The following WDR7 variants were observed in gnomAD, a reference collection of about 807,000 sequenced individuals.
WDR7 encodes WD repeat domain 7.
WDR7 carries 46 observed loss-of-function variants against 169.4 expected under a neutral mutation model. The observed-to-expected ratio is 0.27, with a 90% CI of 0.21 to 0.35. WDR7 has a LOEUF of 0.35. WDR7 is among the 10% of genes least tolerant of loss of function. The pLI, the probability that WDR7 is intolerant of heterozygous loss-of-function variation, is 1.00. For synonymous variants in WDR7, 612 were observed against 666.8 expected (o/e 0.92, Z 1.27); for missense variants, 1,534 against 1,859.3 (o/e 0.83, Z 3.22).
At chr18:56,680,422 A>T (rs1361965605) in intron 3 of WDR7, among the ~76,000 whole-genome samples, 1 of 152,220 alleles carries the variant, frequency 6.6e-6, no homozygotes, top group Non-Finnish European at 1.5e-5. Flanking sequence ...ATTCACTGGA[A>T]CAAAAAGAAG....
intron 1 of WDR7, among the ~76,000 whole-genome samples, chr18:56,659,520 G>A (rs915166192): frequency 6.6e-6 from 1 of 152,136 alleles, no homozygotes; most frequent in Non-Finnish European, 1.5e-5. Flanking sequence ...AAAACATATG[G>A]TATGTTAAAT....
chr18:56,755,620 C>A (rs997461189), intron 14 of WDR7, among the ~76,000 whole-genome samples: 4 of 152,152 alleles, frequency 2.6e-5, no homozygotes, highest in African/African-American at 9.7e-5. Flanking sequence ...TGTGGGATAT[C>A]CCAATACAAG....
chr18:56,697,189 T>G (rs1400310410), intron 12 of WDR7, among the ~76,000 whole-genome samples: 1 of 152,232 alleles, frequency 6.6e-6, no homozygotes, highest in Non-Finnish European at 1.5e-5. Flanking sequence ...CGTCTTCTTG[T>G]AGACAAGTCA....
chr18:56,980,838 C>A (rs1334138766), intron 26 of WDR7, among the ~76,000 whole-genome samples: 1 of 152,168 alleles, frequency 6.6e-6, no homozygotes, highest in Admixed American at 6.5e-5. Context: ...GGGAACCTGA[C>A]ACAAGACAGA....
intron 14 of WDR7, among the ~76,000 whole-genome samples, chr18:56,735,770 T>C (rs2026685751): frequency 6.6e-6 from 1 of 152,170 alleles, no homozygotes; most frequent in Non-Finnish European, 1.5e-5. Flanking sequence ...TGCTTTATAG[T>C]GTGAAAGCAG....
chr18:56,716,997 G>C (rs541220751), intron 12 of WDR7, among the ~76,000 whole-genome samples: 3 of 152,292 alleles, frequency 2.0e-5, no homozygotes, highest in South Asian at 2.1e-4. Flanking sequence ...ACCCCCAGCA[G>C]GGTGAGGTTT....
rs1026060111 is a variant in WDR7, at chr18:57,028,407, C to T, written c.*1200C>T. ...ATGTCAGATTGTGCTGGTTCTAGCTCATAATAATGAAAAAAATAGAATTAT... is the reference window on the plus strand; with the variant it reads ...ATGTCAGATTGTGCTGGTTCTAGCTTATAATAATGAAAAAAATAGAATTAT... On this transcript the variant is annotated 3_prime_UTR_variant, in exon 28 of 28. Transcript: ENST00000254442. 1 of 151,792 alleles carries T rather than the reference C, an allele frequency of 6.6e-6. No individual in the cohort carries two copies. Among genetic ancestry groups the T allele is most frequent in the South Asian group, 2.1e-4 (1 of 4,808 alleles). 9.4% of individuals were successfully genotyped at this position (151,792 alleles called of 1,614,324 possible).
chr18:56,697,941 C>T (rs1172494130), intron 12 of WDR7, among the ~76,000 whole-genome samples: 1 of 152,110 alleles, frequency 6.6e-6, no homozygotes, highest in East Asian at 1.9e-4. Context: ...AGCCTGTAAT[C>T]CCAGCACTTT....
intron 5 of WDR7, 64 bp downstream of exon 5, chr18:56,682,917 T>C: frequency 6.8e-7 from 1 of 1,476,408 alleles, no homozygotes; most frequent in Non-Finnish European, 9.2e-7. Flanking sequence ...TACTAGAACA[T>C]TCTACAATTT....
intron 19 of WDR7, among the ~76,000 whole-genome samples, chr18:56,813,476 T>A (rs1333773745): frequency 6.6e-6 from 1 of 151,964 alleles, no homozygotes. Flanking sequence ...TTTTCTTTTT[T>A]AAATCATGAA....
At chr18:56,722,776 T>A (rs749651798) in intron 13 of WDR7, among the ~76,000 whole-genome samples, 6 of 152,108 alleles carry the variant, frequency 3.9e-5, no homozygotes, top group Admixed American at 6.5e-5. Flanking sequence ...ATGCAATTAA[T>A]CACTAAGTCT....
intron 21 of WDR7, among the ~76,000 whole-genome samples, chr18:56,883,773 A>G (rs926392918): frequency 3.3e-5 from 5 of 152,132 alleles, no homozygotes; most frequent in African/African-American, 4.8e-5. Context: ...TTGGTTTTCT[A>G]TTCCTGAGTT....
chr18:56,803,922 A>G (rs1358699733), intron 19 of WDR7, among the ~76,000 whole-genome samples: 1 of 152,174 alleles, frequency 6.6e-6, no homozygotes, highest in Admixed American at 6.5e-5. Context: ...CAACCTTTTC[A>G]GTAGCTGGGA....
At chr18:56,994,509 A>G (rs966652238) in intron 26 of WDR7, among the ~76,000 whole-genome samples, 25 of 152,354 alleles carry the variant, frequency 1.6e-4, no homozygotes, top group Non-Finnish European at 1.3e-4. Context: ...TTTAAAAAAA[A>G]GAGTTTGTTC....
In WDR7 at chr18:56,776,836, C is replaced by T; in HGVS notation, c.2903C>T (p.Pro968Leu). 1 of 1,614,018 alleles carries T rather than the reference C, an allele frequency of 6.2e-7. No homozygotes were observed. Among genetic ancestry groups the T allele is most frequent in the South Asian group, 1.1e-5 (1 of 91,066 alleles). The change falls in exon 17 of 28, where the codon CCT becomes CTT. Residue 968 changes from proline (P) to leucine (L), a missense_variant. Pro to Leu is a moderately conservative substitution (Grantham distance 98). Coordinates refer to ENST00000254442, the MANE Select transcript of WDR7 (RefSeq NM_015285.3). ...RSDADHSGSD[P>L]PSAPALHTCF... is the part of the protein sequence containing the mutation. Reference sequence around the variant, plus strand: ...GATGCTGATCACTCTGGCTCTGACCCTCCTTCTGCTCCTGCTTTACATACC... The same window carrying T: ...GATGCTGATCACTCTGGCTCTGACCTTCCTTCTGCTCCTGCTTTACATACC...
At chr18:56,784,160 G>T (rs1185499464) in intron 19 of WDR7, among the ~76,000 whole-genome samples, 2 of 152,140 alleles carry the variant, frequency 1.3e-5, no homozygotes. Context: ...GTAAATGGGA[G>T]GCCAGGAGAG....
At chr18:56,993,274 T>A (rs2047843215) in intron 26 of WDR7, among the ~76,000 whole-genome samples, 1 of 152,172 alleles carries the variant, frequency 6.6e-6, no homozygotes, top group South Asian at 2.1e-4. Context: ...ATTGAGAAAA[T>A]AATTTTTCTC....
intron 19 of WDR7, chr18:56,781,883 G>A (rs995961621): frequency 1.4e-5 from 5 of 354,402 alleles, no homozygotes; most frequent in African/African-American, 8.4e-5. Context: ...ATTCATTAAT[G>A]AACTGACTTT....
rs148434686 is a variant in WDR7, at chr18:56,766,551, AT to A, written c.2848+7601del. Among the ~76,000 whole-genome samples, 628 of 152,114 alleles carry A rather than the reference AT, an allele frequency of 4.1e-3. 24 individuals are homozygous for A. In the East Asian group the frequency reaches 0.1, roughly 25 times the overall value. On this transcript the variant is annotated intron_variant, in intron 16 of 27. Transcript: ENST00000254442. ...TGGTCCCATCCAGTGCACTTTAAAA[AT>A]TTATTTTTATTTTTTTTTATAGAGA...
Sources: allele counts gnomAD v4.1 joint callset (sites outside exome capture counted in the v4.1 genomes callset), GRCh38; gene constraint gnomAD v4.1.1; transcripts MANE v1.5; gene names NCBI Gene and HGNC (gene_info 2026-07-23, HGNC 2026-07-21).